The following ZNF33A variants were observed in gnomAD, a reference collection of about 807,000 sequenced individuals.
The protein encoded by ZNF33A is brain my041 protein.
In ZNF33A, 9 loss-of-function variants were observed where a neutral mutation model predicts 15.9. The observed-to-expected ratio is 0.57, with a 90% CI of 0.34 to 0.99. The LOEUF (loss-of-function observed/expected upper bound fraction) is 0.99. Among genes scored for constraint, ZNF33A ranks in the 50% least tolerant of loss-of-function variants. The pLI, the probability that ZNF33A is intolerant of heterozygous loss-of-function variation, is 0.02. For synonymous variants in ZNF33A, 294 were observed against 324.2 expected, an observed-to-expected ratio of 0.91 and a Z score of 1.00; for missense variants, 843 against 941.6, an observed-to-expected ratio of 0.90 and a Z score of 1.37.
chr10:38,019,363 A>G (rs1393990545), intron 4 of ZNF33A, among the ~76,000 whole-genome samples: 4 of 152,038 alleles, frequency 2.6e-5, no homozygotes, highest in Admixed American at 6.6e-5. Flanking sequence ...TATGTGCCAT[A>G]TTTTCTTAAT....
chr10:38,033,588 C>G (rs2065308378), intron 4 of ZNF33A, among the ~76,000 whole-genome samples: 1 of 152,076 alleles, frequency 6.6e-6, no homozygotes, highest in Non-Finnish European at 1.5e-5. Context: ...CATGAATTTT[C>G]CAGTTTCTCT....
chr10:38,016,721 T>G (rs2064465084), intron 2 of ZNF33A, 150 bp from the exon 3 acceptor site: 5 of 874,974 alleles, frequency 5.7e-6, no homozygotes, highest in Non-Finnish European at 8.5e-6. Context: ...TTGCATGAAT[T>G]AATATCTTAA....
At chr10:38,047,662 A>AAAGC (rs1243178619) in intron 4 of ZNF33A, among the ~76,000 whole-genome samples, 1 of 133,254 alleles carries the variant, frequency 7.5e-6, no homozygotes, top group Non-Finnish European at 1.6e-5. Flanking sequence ...AAAAAAAAAA[A>AAAGC]AAGCAAGCCC....
rs560341744 is a variant in ZNF33A, at chr10:38,013,071, G to A, written c.9+721G>A. 1.0e-3 allele frequency among the ~76,000 whole-genome samples: 157 copies of A among 152,146 alleles called. 1 individual carries two copies. Among genetic ancestry groups the A allele is most frequent in the Non-Finnish European group, 1.8e-3 (125 of 67,988 alleles). On this transcript the variant is annotated intron_variant, in intron 2 of 4. Coordinates refer to ENST00000432900, the MANE Select transcript of ZNF33A (RefSeq NM_006954.2). Reference sequence around the variant, plus strand: ...TCACACAGGTTCCAGTTTTCTTTTGGATGTAGTGTTTGATCAGTAAATTAA... The same window carrying A: ...TCACACAGGTTCCAGTTTTCTTTTGAATGTAGTGTTTGATCAGTAAATTAA...
intron 4 of ZNF33A, among the ~76,000 whole-genome samples, chr10:38,029,944 A>T (rs2065141256): frequency 6.6e-6 from 1 of 152,208 alleles, no homozygotes; most frequent in Admixed American, 6.5e-5. Flanking sequence ...GAAGAATTAC[A>T]GAAACACCCA....
intron 1 of ZNF33A, 129 bp downstream of exon 1, chr10:38,010,912 G>A (rs2064141318): frequency 2.5e-6 from 3 of 1,178,302 alleles, no homozygotes; most frequent in East Asian, 4.9e-5. Context: ...CGGGGACGGC[G>A]GGGCTGCAGC....
intron 2 of ZNF33A, chr10:38,016,096 T>C (rs1351556279): frequency 2.0e-6 from 2 of 989,830 alleles, no homozygotes; most frequent in African/African-American, 1.7e-5. Flanking sequence ...ACATCCTTAT[T>C]ATTGTCTCTG....
At chr10:38,024,606 G>A (rs1018022835) in intron 4 of ZNF33A, among the ~76,000 whole-genome samples, 3 of 152,078 alleles carry the variant, frequency 2.0e-5, no homozygotes, top group Admixed American at 6.5e-5. Flanking sequence ...AAACAATTTG[G>A]GAAAATTTTT....
chr10:38,054,669 A>G lies in ZNF33A; in HGVS notation c.545A>G (p.His182Arg), dbSNP rs1230695168. The change falls in exon 5 of 5, where the codon CAT becomes CGT. Residue 182 changes from histidine to arginine, a missense_variant. By Grantham distance (29) the His-to-Arg change is conservative. Transcript: ENST00000432900. Reference sequence around the variant, plus strand: ...GGGAAATTGTTACTCAATATTAAGCATGATGAAACTCATACTCAAGAGAAA... The same window carrying G: ...GGGAAATTGTTACTCAATATTAAGCGTGATGAAACTCATACTCAAGAGAAA... ...ACGKLLLNIK[H>R]DETHTQEKNE... The G allele has an allele frequency of 2.5e-6, 4 of 1,613,822 alleles. 1 individual carries two copies. The highest frequency in any genetic ancestry group is 2.2e-5 in the South Asian group (2 of 91,006).
chr10:38,041,496 A>C (rs1283452215), intron 4 of ZNF33A, among the ~76,000 whole-genome samples: 1 of 151,970 alleles, frequency 6.6e-6, no homozygotes, highest in East Asian at 1.9e-4. Flanking sequence ...AACATTACTT[A>C]TATGTATCTC....
intron 4 of ZNF33A, among the ~76,000 whole-genome samples, chr10:38,031,001 G>A (rs1189159538): frequency 6.6e-6 from 1 of 152,198 alleles, no homozygotes; most frequent in Non-Finnish European, 1.5e-5. Flanking sequence ...GATGGCTGTA[G>A]TTACCATGTG....
Position 38,040,137 on chromosome 10 carries a change from T to C in ZNF33A, c.251-14238T>C, listed in dbSNP as rs115239691. Among the ~76,000 whole-genome samples, 529 of 152,192 alleles carry C rather than the reference T, an allele frequency of 3.5e-3. 4 individuals carry two copies. The highest frequency in any genetic ancestry group is 0.012 in the African/African-American group (501 of 41,548). On this transcript the variant is annotated intron_variant, in intron 4 of 4. Transcript: ENST00000432900. ...TTTTTTTTAACTTCGGAATATGTTA[T>C]ATAATTTGTGCATGTTTGTGCATTC... is the stretch of plus-strand genomic sequence containing the variant.
intron 4 of ZNF33A, among the ~76,000 whole-genome samples, chr10:38,026,579 CT>C (rs1243758660): frequency 3.3e-5 from 5 of 152,342 alleles, no homozygotes; most frequent in African/African-American, 1.2e-4. Flanking sequence ...ATCCACCCGC[CT>C]TGACCTCCCA....
At chr10:38,040,762 T>C (rs1419550204) in intron 4 of ZNF33A, among the ~76,000 whole-genome samples, 3 of 152,218 alleles carry the variant, frequency 2.0e-5, no homozygotes, top group African/African-American at 7.2e-5. Flanking sequence ...TTGATTGGAT[T>C]TTCAAATCAT....
chr10:38,050,082 CAATT>C (rs2066132533), intron 4 of ZNF33A, among the ~76,000 whole-genome samples: 1 of 152,090 alleles, frequency 6.6e-6, no homozygotes, highest in East Asian at 1.9e-4. Flanking sequence ...TTCCAGCAAA[CAATT>C]AATAGTACCA....
downstream of ZNF33A, among the ~76,000 whole-genome samples, chr10:38,062,699 C>G (rs985488018): frequency 6.6e-6 from 1 of 152,016 alleles, no homozygotes; most frequent in African/African-American, 2.4e-5. Context: ...CAGAGTAAGA[C>G]TCTGTCTCTT....
intron 4 of ZNF33A, among the ~76,000 whole-genome samples, chr10:38,046,490 G>T (rs1590658216): frequency 6.6e-6 from 1 of 152,080 alleles, no homozygotes; most frequent in African/African-American, 2.4e-5. Context: ...AATCATAAAA[G>T]CAAGACCTGA....
chr10:38,039,038 T>TC (rs1449939317), intron 4 of ZNF33A, among the ~76,000 whole-genome samples: 1 of 152,194 alleles, frequency 6.6e-6, no homozygotes, highest in Non-Finnish European at 1.5e-5. Context: ...GTATTTTTTT[T>TC]CATGTCTGAT....
chr10:38,024,175 A>AAAAAAAAAAAAAAAG (rs1564841335), intron 4 of ZNF33A, among the ~76,000 whole-genome samples: 49 of 144,732 alleles, frequency 3.4e-4, no homozygotes, highest in East Asian at 1.0e-3. Flanking sequence ...AAAAAAAAAA[A>AAAAAAAAAAAAAAAG]AAAAAAGAAA....
Sources: allele counts gnomAD v4.1 joint callset (sites outside exome capture counted in the v4.1 genomes callset), GRCh38; gene constraint gnomAD v4.1.1; transcripts MANE v1.5; gene names NCBI Gene and HGNC (gene_info 2026-07-23, HGNC 2026-07-21).